Variants in EIF3C observed in about 807,000 individuals in gnomAD.
EIF3C encodes the protein cell migration-inducing protein 17.
Under a neutral mutation model 11.1 loss-of-function variants are expected in EIF3C, and 2 were observed. The observed-to-expected ratio is 0.18, with a 90% CI of 0.07 to 0.57. The LOEUF (loss-of-function observed/expected upper bound fraction) is 0.57. Among genes scored for constraint, EIF3C ranks in the 20% least tolerant of loss-of-function variants. The pLI is 0.92. For missense variants in EIF3C, 16 were observed against 114.6 expected (o/e 0.14, Z 3.93); for synonymous variants, 2 against 41.5 (o/e 0.05, Z 3.66).
At chr16:28,698,597 GGGGT>G (rs2048260503) in intron 1 of EIF3C, among the ~76,000 whole-genome samples, 1 of 96,610 alleles carries the variant, frequency 1.0e-5, no homozygotes, top group Non-Finnish European at 1.8e-5. Context: ...CTTCCCAGAT[GGGGT>G]GGCTGCCGGG....
At chr16:28,725,917 GCTCTA>G (rs2048380421) in intron 13 of EIF3C, among the ~76,000 whole-genome samples, 1 of 148,406 alleles carries the variant, frequency 6.7e-6, no homozygotes. Context: ...CAAAACCCTG[GCTCTA>G]CTCAAATACA....
intron 15 of EIF3C, among the ~76,000 whole-genome samples, chr16:28,728,468 T>G: frequency 1.4e-5 from 1 of 72,240 alleles, no homozygotes; most frequent in Non-Finnish European, 3.4e-5. Context: ...TGTGTATCTT[T>G]TAGGGGTTGT....
At chr16:28,697,966 T>G in intron 1 of EIF3C, among the ~76,000 whole-genome samples, 1 of 77,792 alleles carries the variant, frequency 1.3e-5, no homozygotes, top group Non-Finnish European at 2.4e-5. Context: ...GCCCCTCACC[T>G]CCCGGGCGGG....
At chr16:28,712,712 A>G (rs1789861846) in intron 2 of EIF3C, among the ~76,000 whole-genome samples, 1 of 148,954 alleles carries the variant, frequency 6.7e-6, no homozygotes, top group Non-Finnish European at 1.5e-5. Context: ...TTGCCATAAA[A>G]TACCAAATAA....
rs2048268930 is a variant in EIF3C at position 28,699,505 on chromosome 16, AGG to A, written c.-31+10679_-31+10680del. ...GACGGAGAGGGAGAGGGAGAGGGAG[AGG>A]GAGAGGGAGAGGGCATGAAAATAGG... On this transcript the variant is annotated intron_variant, in intron 1 of 20. Transcript: ENST00000566501. Among the ~76,000 whole-genome samples, 2 of 104,820 alleles carry A rather than the reference AGG, an allele frequency of 1.9e-5. 1 individual carries two copies. The allele number at this position is 104,820 out of a possible 152,430, so 68.8% of individuals were successfully genotyped here.
At chr16:28,698,757 G>A (rs2048262131) in intron 1 of EIF3C, among the ~76,000 whole-genome samples, 1 of 24,900 alleles carries the variant, frequency 4.0e-5, no homozygotes, top group Non-Finnish European at 6.5e-5. Flanking sequence ...CTTCTCAGAC[G>A]GGGCGGCCGG....
chr16:28,704,429 G>A (rs2048289540), intron 1 of EIF3C, among the ~76,000 whole-genome samples: 1 of 109,864 alleles, frequency 9.1e-6, no homozygotes, highest in Non-Finnish European at 1.8e-5. Context: ...CAGGCGTGGT[G>A]GCTCACGCTT....
rs577895352 is a variant in EIF3C, at chr16:28,697,826, C to G, written c.-31+8998C>G. Reference sequence around the variant, plus strand: ...GGCTCGCCGGGCAGGGGGGCTGACCCCCCCCACCTCCCTCCCGGACGGGGC... The same window carrying G: ...GGCTCGCCGGGCAGGGGGGCTGACCGCCCCCACCTCCCTCCCGGACGGGGC... On this transcript the variant is annotated intron_variant, in intron 1 of 20. Transcript: ENST00000566501. Among the ~76,000 whole-genome samples the G allele has an allele frequency of 3.4e-5, 3 of 89,548 alleles. 1 individual carries two copies. The East Asian group carries it at 1.2e-3, about 34-fold the overall frequency. The allele number at this position is 89,548 out of a possible 152,430, so 58.7% of individuals were successfully genotyped here. A position where few individuals can be genotyped will look rare whatever the true frequency, so the allele number is the denominator to read the frequency against.
Position 28,723,232 on chromosome 16 carries a change from A to T in EIF3C, c.845A>T (p.His282Leu). The stretch of plus-strand genomic sequence containing the variant: ...CGGGAGGACAAAGCTAAGAAGAAGC[A>T]CGACAGGAAATCCAAGCGCCTGGAT... ...KKREDKAKKK[H>L]DRKSKRLDEE... is the part of the protein sequence containing the mutation. Residue 282 changes from histidine (H) to leucine (L), a missense_variant, in exon 9 of 21, where the codon CAC (histidine) becomes CTC (leucine). Physicochemically the swap from His to Leu is moderately conservative, Grantham distance 99. Transcript: ENST00000331666. The T allele has an allele frequency of 6.2e-7, 1 of 1,614,302 alleles. No homozygotes were observed. Among genetic ancestry groups the T allele is most frequent in the East Asian group, 2.2e-5 (1 of 44,896 alleles).
intron 15 of EIF3C, among the ~76,000 whole-genome samples, chr16:28,730,538 G>A (rs191334709): frequency 0.034 from 5,033 of 147,766 alleles, 129 homozygotes; most frequent in Non-Finnish European, 0.056. Context: ...ACCACTTACC[G>A]TCTCCCCTGT....
At chr16:28,698,165 C>A (rs2048252777) in intron 1 of EIF3C, among the ~76,000 whole-genome samples, 1 of 111,304 alleles carries the variant, frequency 9.0e-6, no homozygotes, top group South Asian at 3.9e-4. Context: ...GGGCGGCTGG[C>A]CGGGCAGAGG....
intron 1 of EIF3C, among the ~76,000 whole-genome samples, chr16:28,699,414 A>G (rs2048267220): frequency 9.9e-6 from 1 of 100,840 alleles, no homozygotes; most frequent in Non-Finnish European, 1.9e-5. Flanking sequence ...TGGCAGCACT[A>G]CAGTCCAGCT....
At chr16:28,710,168 T>C (rs1393829659), upstream of EIF3C, among the ~76,000 whole-genome samples, 1 of 148,146 alleles carries the variant, frequency 6.8e-6, no homozygotes, top group African/African-American at 2.5e-5. Context: ...TTTGTATTTT[T>C]AGTAGAGATG....
At chr16:28,698,166 C>T (rs1215811214) in intron 1 of EIF3C, among the ~76,000 whole-genome samples, 1 of 106,150 alleles carries the variant, frequency 9.4e-6, no homozygotes, top group Non-Finnish European at 2.0e-5. Context: ...GGCGGCTGGC[C>T]GGGCAGAGGG....
At chr16:28,727,762 T>G (rs2048393975) in intron 15 of EIF3C, among the ~76,000 whole-genome samples, 1 of 116,288 alleles carries the variant, frequency 8.6e-6, no homozygotes, top group African/African-American at 2.9e-5. Context: ...TGTATGAAGC[T>G]GCTGTGAACA....
intron 1 of EIF3C, among the ~76,000 whole-genome samples, chr16:28,699,767 C>T (rs1473005302): frequency 3.3e-5 from 3 of 90,210 alleles, no homozygotes; most frequent in African/African-American, 1.5e-4. Flanking sequence ...TGGTCTTCAA[C>T]TTCTGACCTC....
rs1392611653 is a variant in EIF3C, at chr16:28,698,557, G to A, written c.-31+9729G>A. ...GACCCCCCCCACCTCCCTCCCGGAC[G>A]GGGTGGCTGCCGGGCGGAGACGCTC... On this transcript the variant is annotated intron_variant, in intron 1 of 20. Transcript: ENST00000566501. Among the ~76,000 whole-genome samples, 6 of 96,802 alleles carry A rather than the reference G, an allele frequency of 6.2e-5. 2 individuals carry two copies. Among genetic ancestry groups the A allele is most frequent in the Non-Finnish European group, 1.1e-4 (6 of 53,994 alleles). The allele number at this position is 96,802 out of a possible 152,430, so 63.5% of individuals were successfully genotyped here.
chr16:28,692,758 TCAACAA>T (rs1189294613), intron 1 of EIF3C, among the ~76,000 whole-genome samples: 7 of 133,194 alleles, frequency 5.3e-5, no homozygotes, highest in African/African-American at 1.8e-4. Flanking sequence ...AGACTCCGTC[TCAACAA>T]CAACAACAAC....
rs559296254 is a variant in EIF3C at position 28,729,796 on chromosome 16, C to T, written c.1819-2033C>T. 1.2e-4 allele frequency among the ~76,000 whole-genome samples: 18 copies of T among 147,012 alleles called. No homozygotes were observed. In the South Asian group the frequency reaches 2.0e-3, roughly 16 times the overall value. On this transcript the variant is annotated intron_variant, in intron 15 of 20. Transcript: ENST00000331666. The stretch of plus-strand genomic sequence containing the variant: ...GCAACATAACAAAACCCTGTCTCTA[C>T]AAAAAATACAGAAACTAGTCAGGCA...
Sources: allele counts gnomAD v4.1 joint callset (sites outside exome capture counted in the v4.1 genomes callset), GRCh38; gene constraint gnomAD v4.1.1; transcripts MANE v1.5; gene names NCBI Gene and HGNC (gene_info 2026-07-23, HGNC 2026-07-21).